Variants in LRRC37A2 observed in about 807,000 individuals in gnomAD.
LRRC37A2 encodes leucine rich repeat containing 37 member A2.
LRRC37A2 carries 9 observed loss-of-function variants against 68.8 expected under a neutral mutation model. That is an observed-to-expected ratio of 0.13 (90% CI 0.08 to 0.23). The LOEUF (loss-of-function observed/expected upper bound fraction) is 0.23. LRRC37A2 is among the 10% of genes least tolerant of loss of function. The probability of loss-of-function intolerance (pLI) is 1.00; values close to 1 mark genes in which losing one functional copy is unlikely to be tolerated. For synonymous variants in LRRC37A2, 63 were observed against 367.6 expected, an observed-to-expected ratio of 0.17 and a Z score of 9.48; for missense variants, 168 against 950.4, an observed-to-expected ratio of 0.18 and a Z score of 10.82.
At chr17:46,923,802 T>G in the LRRC37A2 span, 203 of 404,012 alleles carry the variant, frequency 5.0e-4, 5 homozygotes, top group East Asian at 4.7e-3. Context: ...TCTCATAACT[T>G]AAATTCCTTG....
the LRRC37A2 span, among the ~76,000 whole-genome samples, chr17:46,905,560 C>A: frequency 6.6e-6 from 1 of 152,230 alleles, no homozygotes; most frequent in Admixed American, 6.5e-5. Context: ...AGCCCTGGTG[C>A]AGGATGGCAC....
At chr17:46,855,605 A>G in the LRRC37A2 span, among the ~76,000 whole-genome samples, 1 of 152,234 alleles carries the variant, frequency 6.6e-6, no homozygotes. Context: ...TAGGAATTCC[A>G]CAAATGTTAA....
the LRRC37A2 span, among the ~76,000 whole-genome samples, chr17:46,708,973 C>T: frequency 6.6e-6 from 1 of 151,382 alleles, no homozygotes; most frequent in South Asian, 2.1e-4. Flanking sequence ...TGCAGGCTTG[C>T]GCCACCATGC....
chr17:46,922,553 T>C, the LRRC37A2 span, among the ~76,000 whole-genome samples: 36 of 152,308 alleles, frequency 2.4e-4, no homozygotes, highest in African/African-American at 8.2e-4. Flanking sequence ...TTTGAGAGTA[T>C]ACATATCTTA....
chr17:46,827,138 C>G, the LRRC37A2 span, among the ~76,000 whole-genome samples: 11 of 152,150 alleles, frequency 7.2e-5, no homozygotes, highest in African/African-American at 2.2e-4. Flanking sequence ...GTAGCTCACA[C>G]TGCTGGTGGT....
chr17:46,791,317 G>A, the LRRC37A2 span, among the ~76,000 whole-genome samples: 2 of 151,862 alleles, frequency 1.3e-5, no homozygotes, highest in Non-Finnish European at 2.9e-5. Flanking sequence ...AGGTTCAAGC[G>A]ATTCTCCTCC....
the LRRC37A2 span, among the ~76,000 whole-genome samples, chr17:46,912,242 A>G: frequency 6.6e-6 from 1 of 152,190 alleles, no homozygotes; most frequent in Non-Finnish European, 1.5e-5. Flanking sequence ...GCTTCCTAGA[A>G]ATGCTGCTGA....
At chr17:46,768,468 A>G in the LRRC37A2 span, 1 of 1,614,142 alleles carries the variant, frequency 6.2e-7, no homozygotes, top group Non-Finnish European at 8.5e-7. This position sits in a 1 kb window ranked among gnomAD's most constrained non-coding sequence, Gnocchi z 5.0. Context: ...GCAGCCATCG[A>G]TGCCGTGGGA....
At chr17:46,735,179 G>T in the LRRC37A2 span, among the ~76,000 whole-genome samples, 4 of 152,116 alleles carry the variant, frequency 2.6e-5, no homozygotes, top group African/African-American at 9.7e-5. Context: ...ATCTATAGTA[G>T]ATATTAATAC....
At chr17:46,767,197 G>A in the LRRC37A2 span, among the ~76,000 whole-genome samples, 1 of 152,052 alleles carries the variant, frequency 6.6e-6, no homozygotes, top group Non-Finnish European at 1.5e-5. Flanking sequence ...AGTGCATAGC[G>A]CCTCCCATGC....
the LRRC37A2 span, among the ~76,000 whole-genome samples, chr17:46,735,355 A>G: frequency 6.6e-6 from 1 of 152,060 alleles, no homozygotes; most frequent in African/African-American, 2.4e-5. Flanking sequence ...GTGGCATTAC[A>G]TTAGCTTTTG....
the LRRC37A2 span, among the ~76,000 whole-genome samples, chr17:47,014,902 CAT>C: frequency 5.9e-5 from 9 of 152,076 alleles, no homozygotes; most frequent in African/African-American, 2.2e-4. Flanking sequence ...CATTTACAAT[CAT>C]GTGCTGCAAA....
chr17:46,966,684 T>G, the LRRC37A2 span: 1 of 527,214 alleles, frequency 1.9e-6, no homozygotes, highest in Non-Finnish European at 3.4e-6. Context: ...GGATTTGAAC[T>G]CTGGTTCTAT....
At chr17:46,832,389 G>T in the LRRC37A2 span, among the ~76,000 whole-genome samples, 1 of 140,188 alleles carries the variant, frequency 7.1e-6, no homozygotes, top group African/African-American at 2.6e-5. Flanking sequence ...AAGACACAGG[G>T]GGGAAAAGAG....
the LRRC37A2 span, chr17:46,722,282 C>T: frequency 1.9e-5 from 16 of 843,272 alleles, no homozygotes; most frequent in Non-Finnish European, 1.6e-5. Context: ...CTGTAAGATA[C>T]GGTTCTTACC....
the LRRC37A2 span, among the ~76,000 whole-genome samples, chr17:46,392,472 TC>T: frequency 1.3e-4 from 7 of 55,952 alleles, no homozygotes; most frequent in Admixed American, 4.9e-4. Flanking sequence ...TTTCTTTCTT[TC>T]CTTTCTTTCT....
the LRRC37A2 span, chr17:46,932,601 G>A: frequency 1.5e-3 from 606 of 412,232 alleles, 3 homozygotes; most frequent in Middle Eastern, 4.6e-3. Flanking sequence ...TGCCGAGTAT[G>A]TGTGTGGCTC....
the LRRC37A2 span, among the ~76,000 whole-genome samples, chr17:46,971,400 C>T: frequency 1.1e-3 from 164 of 152,224 alleles, 2 homozygotes; most frequent in East Asian, 0.019. Flanking sequence ...ATGGCTTCTG[C>T]AGTCTCTTCT....
chr17:46,831,778 G>A, the LRRC37A2 span, among the ~76,000 whole-genome samples: 12 of 152,232 alleles, frequency 7.9e-5, no homozygotes, highest in Admixed American at 2.6e-4. Context: ...GTGTGTCCCC[G>A]GACAAGGCAC....
Sources: allele counts gnomAD v4.1 joint callset (sites outside exome capture counted in the v4.1 genomes callset), GRCh38; gene constraint gnomAD v4.1.1; non-coding constraint Gnocchi (gnomAD v3.1); transcripts MANE v1.5; gene names NCBI Gene and HGNC (gene_info 2026-07-23, HGNC 2026-07-21).